Variants in EHBP1 observed in about 807,000 individuals in gnomAD.
The protein encoded by EHBP1 is EH domain binding protein 1.
In EHBP1, 55 loss-of-function variants were observed where a neutral mutation model predicts 144.0. The observed-to-expected ratio is 0.38, with a 90% confidence interval of 0.31 to 0.48. The LOEUF (loss-of-function observed/expected upper bound fraction) is 0.48. EHBP1 is among the 20% of genes least tolerant of loss of function. The pLI is 0.98. For synonymous variants in EHBP1, 469 were observed against 472.7 expected (o/e 0.99, Z 0.10); for missense variants, 1,200 against 1,364.2 (o/e 0.88, Z 1.90).
chr2:62,822,757 A>T (rs1364112732), intron 5 of EHBP1, among the ~76,000 whole-genome samples: 1 of 152,194 alleles, frequency 6.6e-6, no homozygotes. Context: ...TGCCAATCTG[A>T]AAGTGTGAAA....
intron 10 of EHBP1, among the ~76,000 whole-genome samples, chr2:62,906,902 C>G (rs2053853910): frequency 6.6e-6 from 1 of 152,008 alleles, no homozygotes; most frequent in Non-Finnish European, 1.5e-5. Context: ...AATCATATAA[C>G]CTTTTGGAAT....
chr2:63,012,839 A>G (rs1417589812), intron 19 of EHBP1, among the ~76,000 whole-genome samples: 1 of 152,192 alleles, frequency 6.6e-6, no homozygotes, highest in African/African-American at 2.4e-5. Context: ...AAGGGCAACC[A>G]CAAGGATTTA....
At chr2:62,843,525 AT>A (rs1055838470) in intron 7 of EHBP1, among the ~76,000 whole-genome samples, 1 of 152,108 alleles carries the variant, frequency 6.6e-6, no homozygotes, top group Non-Finnish European at 1.5e-5. Flanking sequence ...ATTGTAGCAT[AT>A]TTTTTATTTG....
At chr2:62,878,270 A>C (rs1400835848) in intron 10 of EHBP1, among the ~76,000 whole-genome samples, 4 of 152,224 alleles carry the variant, frequency 2.6e-5, no homozygotes, top group Non-Finnish European at 4.4e-5. Flanking sequence ...ACCAGGAAGA[A>C]ATTGAAACCC....
intron 7 of EHBP1, among the ~76,000 whole-genome samples, chr2:62,846,657 A>G (rs1488026675): frequency 6.6e-6 from 1 of 152,212 alleles, no homozygotes; most frequent in Non-Finnish European, 1.5e-5. Context: ...TAAGATCAAT[A>G]TAGAAAAATC....
intron 2 of EHBP1, among the ~76,000 whole-genome samples, chr2:62,722,386 A>G (rs897766376): frequency 5.3e-5 from 8 of 151,726 alleles, no homozygotes; most frequent in African/African-American, 1.7e-4. Context: ...GCCTCCCAAA[A>G]TGGTGGGATT....
At chr2:62,838,271 A>G (rs1479208820) in intron 7 of EHBP1, among the ~76,000 whole-genome samples, 1 of 152,230 alleles carries the variant, frequency 6.6e-6, no homozygotes, top group Non-Finnish European at 1.5e-5. Context: ...AGGCAGAAAT[A>G]AAGATGTTCT....
rs1368265511 is a variant in EHBP1, at chr2:62,859,204, G to A, written c.670G>A (p.Glu224Lys). 10 of 1,612,086 alleles carry A rather than the reference G, an allele frequency of 6.2e-6. No homozygotes were observed. The highest frequency in any genetic ancestry group is 7.6e-6 in the Non-Finnish European group (9 of 1,178,754). The change falls in exon 8 of 23, where the codon GAA becomes AAA. Residue 224 changes from glutamate to lysine, a missense_variant. By Grantham distance (56) the Glu-to-Lys change is moderately conservative. Coordinates refer to ENST00000431489, the MANE Select transcript of EHBP1 (RefSeq NM_001142616.3). Reference sequence around the variant, plus strand: ...CAAACTTAACTTTTTGGATGAAGCAGAAAAGGACTTGGCCACCGTGAATTC... The same window carrying A: ...CAAACTTAACTTTTTGGATGAAGCAAAAAAGGACTTGGCCACCGTGAATTC... ...INKLNFLDEA[E>K]KDLATVNSNP...
Position 62,710,240 on chromosome 2 carries a change from TATG to T in EHBP1, c.104+2951_104+2953del, listed in dbSNP as rs1171884735. 1.4e-4 allele frequency among the ~76,000 whole-genome samples: 22 copies of T among 152,274 alleles called. No individual in the cohort carries two copies. The South Asian group carries it at 2.1e-3, about 14-fold the overall frequency. On this transcript the variant is annotated intron_variant, in intron 2 of 22. Transcript: ENST00000431489. ...TGTATGAAAGTTGGCAAGTTGGGGT[TATG>T]ATGATAATTTAACTATGTTGCAAAT...
intron 5 of EHBP1, among the ~76,000 whole-genome samples, chr2:62,822,158 T>A (rs923483678): frequency 2.0e-5 from 3 of 152,220 alleles, no homozygotes; most frequent in African/African-American, 7.2e-5. Context: ...TTATTCATTT[T>A]TATAATCAGT....
intron 10 of EHBP1, among the ~76,000 whole-genome samples, chr2:62,884,119 A>G (rs1256283093): frequency 6.6e-6 from 1 of 152,252 alleles, no homozygotes; most frequent in Non-Finnish European, 1.5e-5. Context: ...ACATAGACAT[A>G]TGGTCACATA....
Position 62,843,011 on chromosome 2 carries a change from C to G in EHBP1, c.634+11853C>G, listed in dbSNP as rs907265911. Among the ~76,000 whole-genome samples, 7 of 152,130 alleles carry G rather than the reference C, an allele frequency of 4.6e-5. No individual in the cohort carries two copies. In the East Asian group the frequency reaches 5.8e-4, roughly 13 times the overall value. On this transcript the variant is annotated intron_variant, in intron 7 of 22. Coordinates refer to ENST00000431489, the MANE Select transcript of EHBP1 (RefSeq NM_001142616.3). ...CTTGTTGATTAAACATATACTATTC[C>G]TTATTTTCTAAAATTCCTGCAAGAG...
chr2:62,992,244 A>T (rs539650780), intron 16 of EHBP1, among the ~76,000 whole-genome samples: 3 of 152,336 alleles, frequency 2.0e-5, no homozygotes, highest in African/African-American at 7.2e-5. Context: ...GTTATATAAC[A>T]GTAGAACTCT....
chr2:62,952,886 A>C (rs2057463737), intron 13 of EHBP1, among the ~76,000 whole-genome samples: 1 of 152,180 alleles, frequency 6.6e-6, no homozygotes, highest in Non-Finnish European at 1.5e-5. Context: ...ATCTCATTAC[A>C]TCCTACTTTC....
At chr2:62,871,251 G>A (rs1354478762) in intron 9 of EHBP1, among the ~76,000 whole-genome samples, 3 of 152,158 alleles carry the variant, frequency 2.0e-5, no homozygotes, top group South Asian at 2.1e-4. Flanking sequence ...AAATTAAAGA[G>A]ACATCTAATG....
chr2:62,758,370 A>G (rs113520285), intron 3 of EHBP1, among the ~76,000 whole-genome samples: 117 of 152,218 alleles, frequency 7.7e-4, no homozygotes, highest in African/African-American at 2.6e-3. Context: ...CAGCCTCCCA[A>G]AGTGTGGGAT....
chr2:62,830,386 G>T (rs1259209416), intron 6 of EHBP1, among the ~76,000 whole-genome samples: 1 of 151,942 alleles, frequency 6.6e-6, no homozygotes, highest in Non-Finnish European at 1.5e-5. Context: ...ACCTGCCTCG[G>T]CCTCCCAAAG....
Position 62,990,813 on chromosome 2 carries a change from A to G in EHBP1, c.2706A>G (p.Val902=). The change falls in exon 16 of 23, where the codon GTA becomes GTG. Residue 902 remains valine (V), a synonymous_variant. Coordinates refer to ENST00000431489, the MANE Select transcript of EHBP1 (RefSeq NM_001142616.3). ...CCTCCAGTGCTGCCCAGAAAGCTGT[A>G]ACTGAGAGCTCAGAGCAGGACATGA... ...NSPSSAAQKA[V]TESSEQDMKS... 6.2e-7 allele frequency: 1 copy of G among 1,613,800 alleles called. No individual in the cohort carries two copies. Among genetic ancestry groups the G allele is most frequent in the Non-Finnish European group, 8.5e-7 (1 of 1,179,792 alleles).
At chr2:62,940,672 C>G (rs2056701180) in intron 10 of EHBP1, among the ~76,000 whole-genome samples, 1 of 152,066 alleles carries the variant, frequency 6.6e-6, no homozygotes, top group South Asian at 2.1e-4. Flanking sequence ...AACAACGGCT[C>G]TATGATTTTC....
Sources: allele counts gnomAD v4.1 joint callset (sites outside exome capture counted in the v4.1 genomes callset), GRCh38; gene constraint gnomAD v4.1.1; transcripts MANE v1.5; gene names NCBI Gene and HGNC (gene_info 2026-07-23, HGNC 2026-07-21).